The following LUC7L2 variants were observed in gnomAD, a reference collection of about 807,000 sequenced individuals.
LUC7L2 encodes the protein LUC7 like 2, pre-mRNA splicing factor, also known as putative RNA-binding protein Luc7-like 2.
In LUC7L2, 25 loss-of-function variants were observed where a neutral mutation model predicts 52.8. The observed-to-expected ratio is 0.47, with a 90% CI of 0.34 to 0.66. The LOEUF is 0.66. Ranked by LOEUF, LUC7L2 falls within the 30% of genes least tolerant of loss-of-function variation. The pLI, the probability that LUC7L2 is intolerant of heterozygous loss-of-function variation, is 0.01. For synonymous variants in LUC7L2, 144 were observed against 160.9 expected, an observed-to-expected ratio of 0.89 and a Z score of 0.80; for missense variants, 328 against 497.8, an observed-to-expected ratio of 0.66 and a Z score of 3.25.
At chr7:139,352,034 A>T (rs947336178) in intron 1 of LUC7L2, among the ~76,000 whole-genome samples, 1 of 152,054 alleles carries the variant, frequency 6.6e-6, no homozygotes, top group Non-Finnish European at 1.5e-5. Flanking sequence ...GTCTCTAAAA[A>T]AAATGTAAAA....
At chr7:139,409,128 CTG>C (rs1444409869) in intron 6 of LUC7L2, among the ~76,000 whole-genome samples, 2 of 151,788 alleles carry the variant, frequency 1.3e-5, no homozygotes, top group South Asian at 4.2e-4. Context: ...CAGAGTAAGA[CTG>C]TCTCTAAAAA....
At chr7:139,379,753 A>C (rs1292833140) in intron 2 of LUC7L2, among the ~76,000 whole-genome samples, 5 of 151,252 alleles carry the variant, frequency 3.3e-5, no homozygotes, top group African/African-American at 1.2e-4. Context: ...TTTAGTAGAG[A>C]CAGGGTTTCA....
At chr7:139,378,923 G>GACT (rs1445047227) in intron 2 of LUC7L2, among the ~76,000 whole-genome samples, 4 of 152,184 alleles carry the variant, frequency 2.6e-5, no homozygotes, top group Non-Finnish European at 5.9e-5. Flanking sequence ...AAAGCACTAG[G>GACT]ACTACAGGCA....
intron 2 of LUC7L2, among the ~76,000 whole-genome samples, chr7:139,387,200 GA>G: frequency 6.6e-6 from 1 of 152,212 alleles, no homozygotes. Context: ...CAAAAATAAA[GA>G]TATGTGTTGA....
rs1448437327 is a variant in LUC7L2 at position 139,359,908 on chromosome 7, G to A, written c.-354G>A. On this transcript the variant is annotated 5_prime_UTR_variant, in exon 1 of 10. Coordinates refer to ENST00000354926, the MANE Select transcript of LUC7L2 (RefSeq NM_016019.5). ...GGAGCGTGCGCGCTCCCGTCGTGGCGACGGTGGCGGCGAGCGGCGTCAGAG... is the reference window on the plus strand; with the variant it reads ...GGAGCGTGCGCGCTCCCGTCGTGGCAACGGTGGCGGCGAGCGGCGTCAGAG... 2 of 414,378 alleles carry A rather than the reference G, an allele frequency of 4.8e-6. No individual in the cohort carries two copies. Among genetic ancestry groups the A allele is most frequent in the African/African-American group, 2.1e-5 (1 of 48,670 alleles). 25.7% of individuals were successfully genotyped at this position (414,378 alleles called of 1,614,324 possible).
At chr7:139,355,075 G>A (rs1799569889), upstream of LUC7L2, among the ~76,000 whole-genome samples, 1 of 149,308 alleles carries the variant, frequency 6.7e-6, no homozygotes, top group Non-Finnish European at 1.5e-5. Flanking sequence ...TGCCCAGGCT[G>A]GTCTCAAACT....
At chr7:139,415,613 G>C (rs1306425157) in intron 8 of LUC7L2, among the ~76,000 whole-genome samples, 1 of 125,356 alleles carries the variant, frequency 8.0e-6, no homozygotes, top group African/African-American at 3.1e-5. Flanking sequence ...GTCTCACTCT[G>C]TCCTGAGTAG....
At chr7:139,389,958 A>C (rs1039657433) in intron 2 of LUC7L2, among the ~76,000 whole-genome samples, 3 of 152,204 alleles carry the variant, frequency 2.0e-5, no homozygotes, top group Non-Finnish European at 4.4e-5. Flanking sequence ...ACTTGAGGCC[A>C]GGAGTTACCA....
chr7:139,362,138 T>G (rs1394094302), intron 1 of LUC7L2, among the ~76,000 whole-genome samples: 2 of 152,096 alleles, frequency 1.3e-5, no homozygotes, highest in Non-Finnish European at 2.9e-5. Context: ...ACTTAGAGGA[T>G]TTATGATCGA....
intron 1 of LUC7L2, among the ~76,000 whole-genome samples, chr7:139,347,314 G>T (rs1799299822): frequency 6.6e-6 from 1 of 151,356 alleles, no homozygotes; most frequent in Non-Finnish European, 1.5e-5. Flanking sequence ...CAAGCCGGGT[G>T]TGGTGGCTCA....
At chr7:139,402,404 A>G (rs1373465073) in intron 4 of LUC7L2, among the ~76,000 whole-genome samples, 157 bp downstream of exon 4, 4 of 152,256 alleles carry the variant, frequency 2.6e-5, no homozygotes, top group African/African-American at 9.6e-5. Flanking sequence ...CATCTTATAC[A>G]ATATAGTGCA....
intron 1 of LUC7L2, chr7:139,345,477 A>T: frequency 6.2e-7 from 1 of 1,613,844 alleles, no homozygotes; most frequent in Non-Finnish European, 8.5e-7. Flanking sequence ...TGGGTTAAGA[A>T]TTTCTGACTT....
chr7:139,392,433 TA>T, intron 2 of LUC7L2: 1 of 390,642 alleles, frequency 2.6e-6, no homozygotes, highest in Non-Finnish European at 5.0e-6. Context: ...CCTTTGTTAG[TA>T]AAACAATATA....
intron 7 of LUC7L2, among the ~76,000 whole-genome samples, chr7:139,411,465 A>G (rs1795357183): frequency 6.6e-6 from 1 of 152,184 alleles, no homozygotes; most frequent in Admixed American, 6.6e-5. Context: ...CCACCCCAGT[A>G]AAATTTATAT....
At chr7:139,378,843 G>A (rs554549205) in intron 2 of LUC7L2, among the ~76,000 whole-genome samples, 3 of 152,140 alleles carry the variant, frequency 2.0e-5, no homozygotes, top group Non-Finnish European at 4.4e-5. Context: ...CGTCCTTTAC[G>A]TGGTCCTCAA....
intron 2 of LUC7L2, among the ~76,000 whole-genome samples, chr7:139,383,570 A>G (rs984219819): frequency 6.9e-6 from 1 of 144,654 alleles, no homozygotes. Flanking sequence ...GCACGCCACC[A>G]TGCCTGGCTA....
chr7:139,366,747 T>C (rs1303972139), intron 1 of LUC7L2, among the ~76,000 whole-genome samples: 1 of 152,214 alleles, frequency 6.6e-6, no homozygotes, highest in African/African-American at 2.4e-5. Flanking sequence ...CTAAACCAAG[T>C]GTGGTCCTTG....
intron 3 of LUC7L2, among the ~76,000 whole-genome samples, chr7:139,399,985 T>C (rs1794836170): frequency 6.6e-6 from 1 of 152,194 alleles, no homozygotes; most frequent in South Asian, 2.1e-4. Flanking sequence ...AGTGAAATAA[T>C]AGATGTTTTA....
rs977216851 is a variant in LUC7L2 at position 139,422,336 on chromosome 7, T to C, written c.1175T>C (p.Ile392Thr). The change falls in exon 10 of 10, where the codon ATC (isoleucine) becomes ACC (threonine). Residue 392 changes from isoleucine to threonine, a missense_variant. By Grantham distance (89) the Ile-to-Thr change is moderately conservative. Coordinates refer to ENST00000354926, the MANE Select transcript of LUC7L2 (RefSeq NM_016019.5). The stretch of plus-strand genomic sequence containing the variant: ...TCTGAAGAGCGCGAAGCAGGGGAGA[T>C]CTAACTAGCTGTGTACATTTCTTCA... ...RSSEEREAGEI is the reference protein window; with the variant it reads ...RSSEEREAGET 1.9e-6 allele frequency: 3 copies of C among 1,609,882 alleles called. No individual in the cohort carries two copies. The highest frequency in any genetic ancestry group is 2.5e-6 in the Non-Finnish European group (3 of 1,178,738).
Sources: allele counts gnomAD v4.1 joint callset (sites outside exome capture counted in the v4.1 genomes callset), GRCh38; gene constraint gnomAD v4.1.1; transcripts MANE v1.5; gene names NCBI Gene and HGNC (gene_info 2026-07-23, HGNC 2026-07-21).